Variants in ARHGEF7 observed in about 807,000 individuals in gnomAD.
ARHGEF7 encodes the protein Rho guanine nucleotide exchange factor 7.
Under a neutral mutation model 109.8 loss-of-function variants are expected in ARHGEF7, and 33 were observed. That is an observed-to-expected ratio of 0.30 (90% CI 0.23 to 0.40). The LOEUF (loss-of-function observed/expected upper bound fraction) is 0.40, where lower values mean the gene tolerates loss of function less well. Ranked by LOEUF, ARHGEF7 falls within the 10% of genes least tolerant of loss-of-function variation. The probability of loss-of-function intolerance (pLI) is 1.00; values close to 1 mark genes in which losing one functional copy is unlikely to be tolerated. For synonymous variants in ARHGEF7, 458 were observed against 424.6 expected (o/e 1.08, Z -0.97); for missense variants, 938 against 1,098.5 (o/e 0.85, Z 2.07).
intron 8 of ARHGEF7, among the ~76,000 whole-genome samples, chr13:111,257,258 G>A (rs2090544910): frequency 6.6e-6 from 1 of 152,184 alleles, no homozygotes; most frequent in South Asian, 2.1e-4. Context: ...TCTTAGTACA[G>A]CCTTCCCTTT....
chr13:111,248,963 T>G (rs576532602), intron 8 of ARHGEF7, among the ~76,000 whole-genome samples: 2 of 152,322 alleles, frequency 1.3e-5, no homozygotes, highest in East Asian at 3.9e-4. Context: ...GGCAGTTAAC[T>G]TGGTCAGGCT....
intron 1 of ARHGEF7, among the ~76,000 whole-genome samples, chr13:111,151,740 C>T (rs1306009786): frequency 2.6e-5 from 4 of 152,138 alleles, no homozygotes; most frequent in Non-Finnish European, 5.9e-5. Flanking sequence ...AGCCTTCTTG[C>T]GCTTAGGGAC....
chr13:111,123,770 A>T (rs796142234), intron 1 of ARHGEF7, among the ~76,000 whole-genome samples: 4 of 151,414 alleles, frequency 2.6e-5, no homozygotes, highest in African/African-American at 9.7e-5. Flanking sequence ...CCACCCTATA[A>T]GGGAGGTGGT....
chr13:111,241,450 A>T lies in ARHGEF7; in HGVS notation c.760-2422A>T. On this transcript the variant is annotated intron_variant, in intron 6 of 21. Coordinates refer to ENST00000646102, the MANE Select transcript of ARHGEF7 (RefSeq NM_001354046.2). Reference sequence around the variant, plus strand: ...GCCAGGCCTGGCTGTGTGTTTGAGGAAAAGTTAAGTGTAACTTGCATTGTT... The same window carrying T: ...GCCAGGCCTGGCTGTGTGTTTGAGGTAAAGTTAAGTGTAACTTGCATTGTT... 3 of 1,107,790 alleles carry T rather than the reference A, an allele frequency of 2.7e-6. No homozygotes were observed. The South Asian group carries it at 4.4e-5, about 16-fold the overall frequency. The allele number at this position is 1,107,790 out of a possible 1,614,324, so 68.6% of individuals were successfully genotyped here. A position where few individuals can be genotyped will look rare whatever the true frequency, so the allele number is the denominator to read the frequency against.
chr13:111,188,816 C>G (rs975512151), intron 2 of ARHGEF7, among the ~76,000 whole-genome samples: 1 of 152,214 alleles, frequency 6.6e-6, no homozygotes, highest in Non-Finnish European at 1.5e-5. Context: ...GGTGACCTAA[C>G]TGCTTCACTT....
At chr13:111,298,400 G>A (rs562702515) in intron 19 of ARHGEF7, among the ~76,000 whole-genome samples, 1 of 152,070 alleles carries the variant, frequency 6.6e-6, no homozygotes, top group Admixed American at 6.6e-5. Context: ...GTATCTTCCC[G>A]TGTGGCCCAC....
At chr13:111,218,168 C>CTT (rs869249587) in intron 5 of ARHGEF7, among the ~76,000 whole-genome samples, 3 of 144,560 alleles carry the variant, frequency 2.1e-5, no homozygotes, top group Non-Finnish European at 4.6e-5. Context: ...AAGAATTGAT[C>CTT]TTTTTTTTTT....
chr13:111,156,926 AAC>A (rs750417179), intron 2 of ARHGEF7, among the ~76,000 whole-genome samples: 1 of 152,216 alleles, frequency 6.6e-6, no homozygotes, highest in Non-Finnish European at 1.5e-5. Context: ...TTGTGTTTGT[AAC>A]AGATTGTTTT....
chr13:111,117,066 C>T (rs942651490), intron 1 of ARHGEF7, among the ~76,000 whole-genome samples: 2 of 152,170 alleles, frequency 1.3e-5, no homozygotes, highest in Admixed American at 6.5e-5. Context: ...ACTGGTACCT[C>T]TGGTAATGAA....
At chr13:111,141,090 CATT>C (rs2075323788) in intron 1 of ARHGEF7, among the ~76,000 whole-genome samples, 1 of 152,124 alleles carries the variant, frequency 6.6e-6, no homozygotes, top group South Asian at 2.1e-4. Context: ...CACTTTCCCC[CATT>C]ATTAACACCC....
chr13:111,188,995 C>T (rs143393093), intron 2 of ARHGEF7, among the ~76,000 whole-genome samples: 71 of 152,306 alleles, frequency 4.7e-4, no homozygotes, highest in African/African-American at 1.7e-3. Context: ...TTTATTATGT[C>T]AGTTATGTGT....
At chr13:111,288,209 G>T in intron 17 of ARHGEF7, 145 bp from the exon 18 acceptor site, 1 of 454,742 alleles carries the variant, frequency 2.2e-6, no homozygotes, top group Non-Finnish European at 4.0e-6. Flanking sequence ...GAATTTTGTA[G>T]AAAACAGTTA....
chr13:111,277,852 C>T (rs532819079), intron 13 of ARHGEF7, among the ~76,000 whole-genome samples, 179 bp downstream of exon 13: 3 of 152,220 alleles, frequency 2.0e-5, no homozygotes, highest in Admixed American at 1.3e-4. Context: ...GCAAGCATAT[C>T]CTATGTTAAT....
intron 1 of ARHGEF7, among the ~76,000 whole-genome samples, chr13:111,146,251 A>G (rs865860102): frequency 6.6e-6 from 1 of 152,218 alleles, no homozygotes; most frequent in African/African-American, 2.4e-5. Flanking sequence ...CAGTCTATAT[A>G]TACCACTAGG....
intron 17 of ARHGEF7, among the ~76,000 whole-genome samples, chr13:111,287,971 T>C (rs2093098298): frequency 6.6e-6 from 1 of 152,364 alleles, no homozygotes; most frequent in Admixed American, 6.5e-5. Context: ...TGTTTTAATT[T>C]TCATTTCTTG....
At position 111,266,338 on chromosome 13, in the gene ARHGEF7, C is replaced by T. The variant is rs1353277354; in HGVS notation, c.951-1210C>T. 6.6e-6 allele frequency among the ~76,000 whole-genome samples: 1 copy of T among 152,126 alleles called. No homozygotes were observed. Among genetic ancestry groups the T allele is most frequent in the Non-Finnish European group, 1.5e-5 (1 of 68,032 alleles). ...CTTGTTTCTGGGCTTCTGAATGACT[C>T]TGCTGTTGTCTGGGGCCTCGGTCTT... On this transcript the variant is annotated intron_variant, in intron 8 of 21. Transcript: ENST00000646102. This position sits in a 1 kb window ranked among gnomAD's most constrained non-coding sequence, Gnocchi z 4.8.
At chr13:111,256,973 A>C (rs1265055308) in intron 8 of ARHGEF7, among the ~76,000 whole-genome samples, 3 of 152,248 alleles carry the variant, frequency 2.0e-5, no homozygotes, top group African/African-American at 7.2e-5. Flanking sequence ...GGACCTGTTA[A>C]AATTGTGGCA....
chr13:111,176,708 G>A (rs559313587), intron 2 of ARHGEF7, among the ~76,000 whole-genome samples: 34 of 152,330 alleles, frequency 2.2e-4, no homozygotes, highest in African/African-American at 6.3e-4. Context: ...CATTTCAGGC[G>A]TGTCACATGA....
intron 2 of ARHGEF7, among the ~76,000 whole-genome samples, chr13:111,179,343 C>T (rs554289681): frequency 6.6e-6 from 1 of 152,248 alleles, no homozygotes; most frequent in East Asian, 1.9e-4. Flanking sequence ...CTTGGCCACC[C>T]GAAGTGCTGG....
Sources: allele counts gnomAD v4.1 joint callset (sites outside exome capture counted in the v4.1 genomes callset), GRCh38; gene constraint gnomAD v4.1.1; non-coding constraint Gnocchi (gnomAD v3.1); transcripts MANE v1.5; gene names NCBI Gene and HGNC (gene_info 2026-07-23, HGNC 2026-07-21).